CDH13: variants seen among roughly 807,000 people sequenced by gnomAD.
CDH13 encodes cadherin-13.
A neutral mutation model predicts 63.8 loss-of-function variants in CDH13; 24 were observed. The observed-to-expected ratio is 0.38, with a 90% CI of 0.27 to 0.53. CDH13 has a LOEUF of 0.53. Among genes scored for constraint, CDH13 ranks in the 20% least tolerant of loss-of-function variants. The pLI, the probability that CDH13 is intolerant of heterozygous loss-of-function variation, is 0.85. For missense variants in CDH13, 1,049 were observed against 903.1 expected (o/e 1.16, Z -2.07); for synonymous variants, 503 against 355.3 (o/e 1.42, Z -4.67).
At chr16:83,523,558 G>A (rs1047380461) in intron 7 of CDH13, among the ~76,000 whole-genome samples, 10 of 152,268 alleles carry the variant, frequency 6.6e-5, no homozygotes, top group East Asian at 1.9e-4. Flanking sequence ...TCTCTGCCAC[G>A]TGTGTGTACT....
At chr16:83,694,341 G>C (rs765134483) in intron 10 of CDH13, among the ~76,000 whole-genome samples, 1 of 152,204 alleles carries the variant, frequency 6.6e-6, no homozygotes, top group Non-Finnish European at 1.5e-5. Flanking sequence ...CAGTGGGAGA[G>C]AATGGGAGTG....
intron 2 of CDH13, among the ~76,000 whole-genome samples, chr16:82,869,048 TATTATC>T (rs2040252943): frequency 6.6e-6 from 1 of 152,204 alleles, no homozygotes; most frequent in Admixed American, 6.5e-5. Flanking sequence ...ATTGTGTAAT[TATTATC>T]ATTATTATTT....
intron 4 of CDH13, among the ~76,000 whole-genome samples, chr16:83,195,210 T>C (rs77779634): frequency 0.041 from 6,295 of 152,288 alleles, 382 homozygotes; most frequent in African/African-American, 0.14. Flanking sequence ...AATGATGGTA[T>C]ATCTGTCTTA....
At chr16:82,876,400 T>A (rs1385306891) in intron 2 of CDH13, among the ~76,000 whole-genome samples, 1 of 152,236 alleles carries the variant, frequency 6.6e-6, no homozygotes, top group Non-Finnish European at 1.5e-5. Flanking sequence ...TATACGACAT[T>A]GAAAGAACAT....
chr16:83,251,595 C>G (rs566532593), intron 5 of CDH13, among the ~76,000 whole-genome samples: 5 of 152,330 alleles, frequency 3.3e-5, no homozygotes, highest in African/African-American at 1.2e-4. Context: ...CAGGAGGCAG[C>G]AGAGGGTGGG....
At chr16:82,718,633 G>A (rs1399879788) in intron 1 of CDH13, among the ~76,000 whole-genome samples, 3 of 152,168 alleles carry the variant, frequency 2.0e-5, no homozygotes, top group Non-Finnish European at 2.9e-5. Context: ...TCACAGTGCT[G>A]GGGAGGCCTG....
At chr16:82,931,749 T>G (rs9319580) in intron 2 of CDH13, among the ~76,000 whole-genome samples, 24,501 of 152,082 alleles carry the variant, frequency 0.16, 2,185 homozygotes, top group African/African-American at 0.23. Flanking sequence ...GAGGAACCCC[T>G]TATAGAAACA....
chr16:83,116,034 C>T (rs1171456864), intron 3 of CDH13, among the ~76,000 whole-genome samples: 1 of 152,216 alleles, frequency 6.6e-6, no homozygotes, highest in African/African-American at 2.4e-5. Context: ...AATCTCACCA[C>T]TTCCTTCAGT....
chr16:83,798,528 A>T lies in CDH13; in HGVS notation c.*3498A>T, dbSNP rs1904294743. On this transcript the variant is annotated 3_prime_UTR_variant, in exon 14 of 14. Transcript: ENST00000567109. ...ACTATCTTCTCCAACTCACAGATAA[A>T]GAAGGCTGAGGCTCAGAAAAATTGA... The T allele has an allele frequency of 6.6e-6, 1 of 152,262 alleles. No individual in the cohort carries two copies. The highest frequency in any genetic ancestry group is 1.5e-5 in the Non-Finnish European group (1 of 68,064). The allele number at this position is 152,262 out of a possible 1,614,324, so 9.4% of individuals were successfully genotyped here.
At chr16:83,329,400 ATT>A (rs202092421) in intron 5 of CDH13, among the ~76,000 whole-genome samples, 46,663 of 139,330 alleles carry the variant, frequency 0.33, 7,542 homozygotes, top group East Asian at 0.48. Flanking sequence ...TAATTTTTGT[ATT>A]TTTTTTTTTT....
intron 3 of CDH13, among the ~76,000 whole-genome samples, chr16:83,042,200 G>A (rs1775760637): frequency 6.6e-6 from 1 of 152,198 alleles, no homozygotes; most frequent in African/African-American, 2.4e-5. Flanking sequence ...TCCGTGGCCT[G>A]TTAGAAACCG....
At chr16:83,151,857 G>A (rs2036994329) in intron 4 of CDH13, among the ~76,000 whole-genome samples, 1 of 152,134 alleles carries the variant, frequency 6.6e-6, no homozygotes, top group African/African-American at 2.4e-5. Context: ...AGCTACTCAG[G>A]AGGCTGAGGC....
At chr16:83,553,911 GTTTAC>G (rs1024046068) in intron 7 of CDH13, among the ~76,000 whole-genome samples, 5 of 152,134 alleles carry the variant, frequency 3.3e-5, no homozygotes, top group African/African-American at 9.7e-5. Flanking sequence ...ACATACTGTT[GTTTAC>G]TTAACCACCA....
chr16:82,950,715 A>T (rs577869964), intron 2 of CDH13, among the ~76,000 whole-genome samples: 2 of 152,084 alleles, frequency 1.3e-5, no homozygotes, highest in South Asian at 2.1e-4. Context: ...GTGATACTGG[A>T]TTAAGGTCTA....
chr16:83,725,946 G>C (rs879318741), intron 10 of CDH13: 3 of 152,186 alleles, frequency 2.0e-5, no homozygotes, highest in Non-Finnish European at 4.4e-5. Flanking sequence ...CAATTCTCAT[G>C]ATCTTACTTT....
chr16:82,779,899 G>C (rs1163588818), intron 1 of CDH13, among the ~76,000 whole-genome samples: 2 of 152,060 alleles, frequency 1.3e-5, no homozygotes, highest in Middle Eastern at 3.2e-3. Context: ...CCTGAGAATC[G>C]ATCAGTCCCC....
At chr16:83,470,485 C>T (rs1364829908) in intron 6 of CDH13, among the ~76,000 whole-genome samples, 1 of 152,124 alleles carries the variant, frequency 6.6e-6, no homozygotes, top group East Asian at 1.9e-4. Context: ...TAGCTTTGTC[C>T]TTTCTGAAAT....
At chr16:83,345,624 C>T (rs577539519) in intron 6 of CDH13, among the ~76,000 whole-genome samples, 41 of 152,258 alleles carry the variant, frequency 2.7e-4, no homozygotes, top group South Asian at 4.2e-4. Context: ...CTATCAGGGA[C>T]GGTTTTAGAA....
At chr16:83,302,978 A>T (rs527569552) in intron 5 of CDH13, among the ~76,000 whole-genome samples, 15 of 152,304 alleles carry the variant, frequency 9.8e-5, no homozygotes, top group African/African-American at 3.6e-4. Flanking sequence ...GGTTCTTTTC[A>T]TGTCTCTGAT....
Sources: gnomAD v4.1 joint callset for allele counts (sites outside exome capture counted in the v4.1 genomes callset) on GRCh38, gnomAD v4.1.1 for gene constraint, MANE v1.5 for transcripts, NCBI Gene and HGNC (gene_info 2026-07-23, HGNC 2026-07-21) for gene names.